The following MGAT4C variants were observed in gnomAD, a reference collection of about 807,000 sequenced individuals.
MGAT4C encodes the protein alpha-1,3-mannosyl-glycoprotein 4-beta-N-acetylglucosaminyltransferase C.
Under a neutral mutation model 40.1 loss-of-function variants are expected in MGAT4C, and 19 were observed. That is an observed-to-expected ratio of 0.47 (90% CI 0.33 to 0.70). MGAT4C has a LOEUF of 0.70. Among genes scored for constraint, MGAT4C ranks in the 30% least tolerant of loss-of-function variants. The pLI is 0.02. For synonymous variants in MGAT4C, 181 were observed against 187.1 expected (o/e 0.97, Z 0.27); for missense variants, 491 against 563.2 (o/e 0.87, Z 1.30).
rs367627795 is a variant in MGAT4C, at chr12:86,579,426, C to A, written c.-228-144161G>T. ...TTTGCATAAACAAGCAAAAACAAAA[C>A]TAATAAAAACTCTACACCTAAATTT... On this transcript the variant is annotated intron_variant, in intron 2 of 7. Transcript: ENST00000548651. Among the ~76,000 whole-genome samples the A allele has an allele frequency of 2.1e-4, 32 of 151,590 alleles. No homozygotes were observed. In the East Asian group the frequency reaches 2.1e-3, roughly 10 times the overall value.
rs576577815 is a variant in MGAT4C, at chr12:86,072,547, AT to A, written c.-56-22825del. Among the ~76,000 whole-genome samples, 1,134 of 152,214 alleles carry A rather than the reference AT, an allele frequency of 7.5e-3. 9 individuals carry two copies. Among genetic ancestry groups the A allele is most frequent in the Non-Finnish European group, 0.011 (769 of 67,992 alleles). On this transcript the variant is annotated intron_variant, in intron 1 of 4. Transcript: ENST00000611864. ...AGACACAGACAAGTCAAACAGATGCATTTTTTCCCCTTTTTGTTCACCTCAT... is the reference window on the plus strand; with the variant it reads ...AGACACAGACAAGTCAAACAGATGCATTTTTCCCCTTTTTGTTCACCTCAT...
At chr12:86,627,786 A>G (rs1962870611) in intron 2 of MGAT4C, among the ~76,000 whole-genome samples, 1 of 152,190 alleles carries the variant, frequency 6.6e-6, no homozygotes, top group South Asian at 2.1e-4. Flanking sequence ...ACAGATGGGG[A>G]GAAACAAGAG....
intron 1 of MGAT4C, among the ~76,000 whole-genome samples, chr12:86,226,697 T>C (rs1951093114): frequency 6.6e-6 from 1 of 151,874 alleles, no homozygotes; most frequent in African/African-American, 2.4e-5. Context: ...TAAAACCAGT[T>C]CTCCTACTTT....
chr12:86,355,020 T>C (rs993834342), intron 3 of MGAT4C, among the ~76,000 whole-genome samples: 1 of 152,198 alleles, frequency 6.6e-6, no homozygotes, highest in Non-Finnish European at 1.5e-5. Flanking sequence ...GTCCTACTGA[T>C]TGGTCCATCT....
At chr12:86,823,838 A>G (rs1400618271) in intron 1 of MGAT4C, among the ~76,000 whole-genome samples, 1 of 151,388 alleles carries the variant, frequency 6.6e-6, no homozygotes, top group Non-Finnish European at 1.5e-5. Flanking sequence ...ATAGATAAGG[A>G]GAGCTAACAT....
chr12:86,546,487 G>A (rs1959193498), intron 2 of MGAT4C, among the ~76,000 whole-genome samples: 1 of 151,950 alleles, frequency 6.6e-6, no homozygotes, highest in Non-Finnish European at 1.5e-5. Context: ...TGATTACTGA[G>A]GATAAAATGA....
chr12:86,807,357 A>G (rs545704157), intron 1 of MGAT4C, among the ~76,000 whole-genome samples: 3 of 152,156 alleles, frequency 2.0e-5, no homozygotes, highest in Admixed American at 2.0e-4. Flanking sequence ...GCTCCCACTT[A>G]TAAGTGAGAA....
rs186109827 is a variant in MGAT4C, at chr12:86,362,081, C to G, written c.-119-27954G>C. ...ATTCACAATAGCAAAGACTTGGAAC[C>G]AACCCAAATGTCCATCAATGATAGA... On this transcript the variant is annotated intron_variant, in intron 3 of 7. Coordinates refer to the MGAT4C transcript ENST00000548651. Among the ~76,000 whole-genome samples, 141 of 152,286 alleles carry G rather than the reference C, an allele frequency of 9.3e-4. 1 individual carries two copies. Among genetic ancestry groups the G allele is most frequent in the African/African-American group, 3.1e-3 (127 of 41,554 alleles).
At chr12:86,184,065 TCTC>T (rs143292327) in intron 1 of MGAT4C, among the ~76,000 whole-genome samples, 1,530 of 152,326 alleles carry the variant, frequency 0.01, 7 homozygotes, top group Non-Finnish European at 0.015. Flanking sequence ...AAATGTGAAT[TCTC>T]CTCTTTTCAC....
rs1592897467 is a variant in MGAT4C at position 86,479,732 on chromosome 12, A to C, written c.-228-44467T>G. 2.0e-5 allele frequency among the ~76,000 whole-genome samples: 3 copies of C among 152,018 alleles called. No individual in the cohort carries two copies. In the East Asian group the frequency reaches 5.8e-4, roughly 29 times the overall value. ...AAGCGAAATGACTTTATTATAGAGC[A>C]AGAGTGGAGCCTTTTCACTTTCAAA... On this transcript the variant is annotated intron_variant, in intron 2 of 7. Coordinates refer to the MGAT4C transcript ENST00000548651.
Position 85,979,478 on chromosome 12 carries a change from G to A in MGAT4C, c.1248C>T (p.Asn416=), listed in dbSNP as rs34663658. Reference sequence around the variant, plus strand: ...GTCTCCTTTGTTTGCTAGGCATAACGTTTTCCCCAACATCTAGGGCTCCAT... The same window carrying A: ...GTCTCCTTTGTTTGCTAGGCATAACATTTTCCCCAACATCTAGGGCTCCAT... The part of the protein sequence containing the change: ...LHHGALDVGE[N]VMPSKQRRQC... The change falls in exon 5 of 5, where the codon AAC becomes AAT. Residue 416 remains asparagine (N), a synonymous_variant. Coordinates refer to ENST00000611864, the MANE Select transcript of MGAT4C (RefSeq NM_001351288.2). 5.6e-3 allele frequency: 9,051 copies of A among 1,613,258 alleles called. 440 individuals are homozygous for A. The African/African-American group carries it at 0.11, about 19-fold the overall frequency.
At chr12:86,739,480 A>C (rs1951033032) in intron 1 of MGAT4C, among the ~76,000 whole-genome samples, 1 of 150,958 alleles carries the variant, frequency 6.6e-6, no homozygotes, top group African/African-American at 2.4e-5. Context: ...CTCCATATAC[A>C]TGGGTTCTAC....
At chr12:86,269,197 A>G (rs1165939909) in intron 4 of MGAT4C, among the ~76,000 whole-genome samples, 2 of 150,896 alleles carry the variant, frequency 1.3e-5, no homozygotes, top group Admixed American at 6.6e-5. Flanking sequence ...CAAAGTTGTT[A>G]TAATTATATC....
chr12:86,674,528 T>A (rs1262774246), intron 2 of MGAT4C, among the ~76,000 whole-genome samples: 1 of 151,940 alleles, frequency 6.6e-6, no homozygotes, highest in Non-Finnish European at 1.5e-5. Context: ...AAACCCCGTC[T>A]TTACTAAAAA....
At chr12:86,784,935 T>C (rs949305763) in intron 1 of MGAT4C, among the ~76,000 whole-genome samples, 23 of 151,980 alleles carry the variant, frequency 1.5e-4, no homozygotes, top group Middle Eastern at 3.2e-3. Flanking sequence ...TGGGAAACCA[T>C]ATCAGTTTCA....
chr12:86,617,218 T>C (rs773697836), intron 2 of MGAT4C, among the ~76,000 whole-genome samples: 14 of 152,188 alleles, frequency 9.2e-5, no homozygotes, highest in Non-Finnish European at 1.9e-4. Context: ...AGTTTTGTAA[T>C]AGTTTCACGT....
intron 1 of MGAT4C, among the ~76,000 whole-genome samples, chr12:86,063,246 A>C (rs1894173872): frequency 6.6e-6 from 1 of 152,198 alleles, no homozygotes; most frequent in Non-Finnish European, 1.5e-5. Context: ...AAGAATTTTC[A>C]ACCCAGAATT....
intron 4 of MGAT4C, among the ~76,000 whole-genome samples, chr12:86,282,538 C>A (rs12300196): frequency 0.093 from 14,170 of 151,906 alleles, 837 homozygotes; most frequent in Middle Eastern, 0.23. Context: ...ATTGAAACAG[C>A]TAATCCTGGT....
At chr12:86,050,301 G>A (rs1481719172) in intron 1 of MGAT4C, among the ~76,000 whole-genome samples, 3 of 151,992 alleles carry the variant, frequency 2.0e-5, no homozygotes, top group African/African-American at 7.2e-5. Flanking sequence ...CTGCCAGACT[G>A]TGTTAACAAG....
Sources: gnomAD v4.1 joint callset for allele counts (sites outside exome capture counted in the v4.1 genomes callset) on GRCh38, gnomAD v4.1.1 for gene constraint, MANE v1.5 for transcripts, NCBI Gene and HGNC (gene_info 2026-07-23, HGNC 2026-07-21) for gene names.